The following FAM135B variants were observed in gnomAD, a reference collection of about 807,000 sequenced individuals.
FAM135B encodes family with sequence similarity 135 member B.
FAM135B carries 43 observed loss-of-function variants against 127.7 expected under a neutral mutation model. The observed-to-expected ratio is 0.34, with a 90% CI of 0.26 to 0.43. The LOEUF (loss-of-function observed/expected upper bound fraction) is 0.43. FAM135B is among the 20% of genes least tolerant of loss of function. FAM135B has a pLI of 1.00. For synonymous variants in FAM135B, 670 were observed against 665.1 expected (o/e 1.01, Z -0.11); for missense variants, 1,558 against 1,725.6 (o/e 0.90, Z 1.72).
At chr8:138,254,550 G>A (rs571326402) in intron 5 of FAM135B, among the ~76,000 whole-genome samples, 1 of 152,334 alleles carries the variant, frequency 6.6e-6, no homozygotes, top group African/African-American at 2.4e-5. Flanking sequence ...GCACAATAAA[G>A]TCAGGGCTTT....
chr8:138,225,509 A>AC (rs1296075297), intron 7 of FAM135B, among the ~76,000 whole-genome samples: 2 of 152,104 alleles, frequency 1.3e-5, no homozygotes, highest in African/African-American at 2.4e-5. Flanking sequence ...AAAGAAAAAA[A>AC]CTTTTTCAAT....
chr8:138,309,417 C>G (rs572009073), intron 3 of FAM135B, among the ~76,000 whole-genome samples: 1 of 151,946 alleles, frequency 6.6e-6, no homozygotes, highest in African/African-American at 2.4e-5. Flanking sequence ...GGAAATACGG[C>G]AACTTGACTG....
At chr8:138,143,857 A>G (rs979238820) in intron 15 of FAM135B, among the ~76,000 whole-genome samples, 2 of 152,208 alleles carry the variant, frequency 1.3e-5, no homozygotes, top group Non-Finnish European at 2.9e-5. Context: ...ATGTCTCACA[A>G]ATGTCTATCC....
intron 1 of FAM135B, among the ~76,000 whole-genome samples, chr8:138,422,315 A>G (rs1474312705): frequency 6.6e-6 from 1 of 152,202 alleles, no homozygotes; most frequent in Non-Finnish European, 1.5e-5. Flanking sequence ...AAAGGAAATT[A>G]TTAATAGATT....
intron 2 of FAM135B, among the ~76,000 whole-genome samples, chr8:138,336,529 C>T (rs559486601): frequency 5.9e-5 from 9 of 152,248 alleles, no homozygotes; most frequent in African/African-American, 2.2e-4. Context: ...CATTCCTCGA[C>T]ACATACACCC....
chr8:138,326,072 T>C (rs565341161), intron 2 of FAM135B, among the ~76,000 whole-genome samples: 5 of 152,256 alleles, frequency 3.3e-5, no homozygotes, highest in Non-Finnish European at 5.9e-5. Flanking sequence ...AAAAAAAATA[T>C]GAGATTGCTG....
chr8:138,447,068 T>G (rs1443222804), intron 1 of FAM135B, among the ~76,000 whole-genome samples: 1 of 151,544 alleles, frequency 6.6e-6, no homozygotes, highest in African/African-American at 2.4e-5. Context: ...TCATCATCAC[T>G]GGCCATCAGA....
intron 1 of FAM135B, among the ~76,000 whole-genome samples, chr8:138,469,874 T>A (rs938507195): frequency 1.3e-5 from 2 of 152,072 alleles, no homozygotes; most frequent in South Asian, 2.1e-4. Flanking sequence ...ATTGGGAAAA[T>A]ATAATAATAA....
chr8:138,206,277 C>T lies in FAM135B; in HGVS notation c.670-8608G>A, dbSNP rs899060613. ...CCTACACACAGCTCTATCATCCCCT[C>T]CACCTACGCACAGCTCTATCATCCC... is the stretch of plus-strand genomic sequence containing the variant. On this transcript the variant is annotated intron_variant, in intron 7 of 19. Coordinates refer to ENST00000395297, the MANE Select transcript of FAM135B (RefSeq NM_015912.4). Among the ~76,000 whole-genome samples the T allele has an allele frequency of 2.1e-3, 301 of 141,642 alleles. 1 individual carries two copies. The highest frequency in any genetic ancestry group is 7.4e-3 in the Middle Eastern group (2 of 272). The allele number at this position is 141,642 out of a possible 152,430, so 92.9% of individuals were successfully genotyped here.
intron 1 of FAM135B, among the ~76,000 whole-genome samples, chr8:138,463,871 C>A (rs984350834): frequency 6.6e-6 from 1 of 152,116 alleles, no homozygotes; most frequent in Non-Finnish European, 1.5e-5. Context: ...AGTCAAGAAA[C>A]CCTTTGATGG....
At chr8:138,185,528 C>T (rs2131037193) in intron 9 of FAM135B, among the ~76,000 whole-genome samples, 1 of 152,168 alleles carries the variant, frequency 6.6e-6, no homozygotes, top group Non-Finnish European at 1.5e-5. Flanking sequence ...AGAAACAAAC[C>T]CCAAATACGC....
intron 1 of FAM135B, among the ~76,000 whole-genome samples, chr8:138,442,237 CATATATATATAT>C (rs759993575): frequency 0.02 from 1,056 of 51,952 alleles, 63 homozygotes; most frequent in East Asian, 0.082. Context: ...ATATGGACAC[CATATATATATAT>C]ATATATATAT....
intron 1 of FAM135B, among the ~76,000 whole-genome samples, chr8:138,468,580 C>T (rs1837502190): frequency 6.6e-6 from 1 of 152,202 alleles, no homozygotes; most frequent in African/African-American, 2.4e-5. Flanking sequence ...AAATACCCGG[C>T]ACCTCATTTC....
intron 3 of FAM135B, among the ~76,000 whole-genome samples, chr8:138,274,690 C>T (rs1168217317): frequency 2.6e-5 from 4 of 152,104 alleles, no homozygotes; most frequent in Non-Finnish European, 5.9e-5. Context: ...CCCAGGGGAG[C>T]CAGTTCAGAG....
chr8:138,217,263 C>G (rs1400855661), intron 7 of FAM135B, among the ~76,000 whole-genome samples: 5 of 152,038 alleles, frequency 3.3e-5, no homozygotes, highest in African/African-American at 1.2e-4. Context: ...CAATATACTT[C>G]TGGATAGTCA....
At chr8:138,172,078 T>G (rs575128299) in intron 11 of FAM135B, among the ~76,000 whole-genome samples, 10 of 152,310 alleles carry the variant, frequency 6.6e-5, no homozygotes, top group African/African-American at 2.4e-4. Context: ...AGGGATAGGC[T>G]GAGAAAGGTC....
chr8:138,339,920 C>T lies in FAM135B; in HGVS notation c.77+27987G>A, dbSNP rs548871310. 3.3e-3 allele frequency among the ~76,000 whole-genome samples: 507 copies of T among 152,216 alleles called. 3 individuals are homozygous for T. Among genetic ancestry groups the T allele is most frequent in the South Asian group, 0.021 (101 of 4,826 alleles). On this transcript the variant is annotated intron_variant, in intron 2 of 19. Transcript: ENST00000395297. The stretch of plus-strand genomic sequence containing the variant: ...TGGAAGCGTGGGGGCTGTGCTTTAT[C>T]CCCACCCCCATCCGGTCCAGCCTGC...
chr8:138,276,621 A>G (rs567888510), intron 3 of FAM135B, among the ~76,000 whole-genome samples: 1 of 152,198 alleles, frequency 6.6e-6, no homozygotes, highest in South Asian at 2.1e-4. Flanking sequence ...CCAAGTTCTG[A>G]GGCACCCTCC....
intron 7 of FAM135B, among the ~76,000 whole-genome samples, chr8:138,237,581 G>A (rs941121307): frequency 2.0e-5 from 3 of 152,142 alleles, no homozygotes; most frequent in East Asian, 3.9e-4. Context: ...CATTACAGAT[G>A]TTTCTGTGAA....
Sources: allele counts gnomAD v4.1 joint callset (sites outside exome capture counted in the v4.1 genomes callset), GRCh38; gene constraint gnomAD v4.1.1; transcripts MANE v1.5; gene names NCBI Gene and HGNC (gene_info 2026-07-23, HGNC 2026-07-21).